Variants in ASTN1 observed in about 807,000 individuals in gnomAD.
ASTN1 encodes astrotactin-1.
A neutral mutation model predicts 140.7 loss-of-function variants in ASTN1; 41 were observed. That is an observed-to-expected ratio of 0.29 (90% CI 0.23 to 0.38). The LOEUF (loss-of-function observed/expected upper bound fraction) is 0.38, where lower values mean the gene tolerates loss of function less well. Among genes scored for constraint, ASTN1 ranks in the 10% least tolerant of loss-of-function variants. ASTN1 has a pLI of 1.00. For synonymous variants in ASTN1, 640 were observed against 652.2 expected, an observed-to-expected ratio of 0.98 and a Z score of 0.29; for missense variants, 1,479 against 1,678.8, an observed-to-expected ratio of 0.88 and a Z score of 2.08.
rs1647602135 is a variant in ASTN1, at chr1:177,164,567, A to G, written c.110T>C (p.Leu37Pro). 1 of 1,613,216 alleles carries G rather than the reference A, an allele frequency of 6.2e-7. No homozygotes were observed. The highest frequency in any genetic ancestry group is 8.5e-7 in the Non-Finnish European group (1 of 1,179,862). The change falls in exon 1 of 23, where the codon CTC becomes CCC. Residue 37 changes from leucine to proline, a missense_variant. This residue lies in a region of ASTN1 where 729 missense variants were observed against 860.4 expected (regional missense o/e 0.85). Transcript: ENST00000361833. ...CAGTGCCGACACCGTGATGCTTTTG[A>G]GCTTGCACTCCAGCTCCTTGGATGG... ...VDPSKELECK[L>P]KSITVSALPF...
chr1:177,093,551 A>G (rs573297169), intron 1 of ASTN1, among the ~76,000 whole-genome samples: 1 of 152,316 alleles, frequency 6.6e-6, no homozygotes, highest in South Asian at 2.1e-4. Flanking sequence ...GCCACTATCT[A>G]GAGACTTAGT....
intron 1 of ASTN1, among the ~76,000 whole-genome samples, chr1:177,075,968 C>A (rs536407206): frequency 1.1e-4 from 16 of 151,966 alleles, no homozygotes; most frequent in African/African-American, 3.9e-4. Context: ...TGTGAGAGAT[C>A]CTCAAACTGC....
At chr1:177,021,850 C>G (rs1675839401) in intron 7 of ASTN1, among the ~76,000 whole-genome samples, 1 of 152,190 alleles carries the variant, frequency 6.6e-6, no homozygotes, top group Non-Finnish European at 1.5e-5. Context: ...CAGAGACTAG[C>G]TCAGTTGCAT....
intron 4 of ASTN1, 41 bp from the exon 5 acceptor site, chr1:177,029,782 C>A: frequency 7.7e-6 from 12 of 1,560,186 alleles, no homozygotes; most frequent in Non-Finnish European, 1.0e-5. Context: ...GTTTTCAGTT[C>A]TGGTTTCATG....
At chr1:176,929,049 A>G (rs1571523715) in intron 16 of ASTN1, among the ~76,000 whole-genome samples, 1 of 152,220 alleles carries the variant, frequency 6.6e-6, no homozygotes, top group African/African-American at 2.4e-5. Context: ...CCTAAACTGT[A>G]CAGAAGCAAA....
At chr1:177,084,660 G>A (rs561888814) in intron 1 of ASTN1, among the ~76,000 whole-genome samples, 19 of 151,822 alleles carry the variant, frequency 1.3e-4, no homozygotes, top group East Asian at 7.8e-4. Context: ...GCTACCTCCC[G>A]TGATTTTGCT....
At chr1:177,033,907 G>A (rs71628224) in intron 2 of ASTN1, among the ~76,000 whole-genome samples, 4,661 of 152,190 alleles carry the variant, frequency 0.031, 101 homozygotes, top group Middle Eastern at 0.065. Context: ...CATGGCACTC[G>A]GTGGGCATAA....
At chr1:177,136,336 GT>G (rs893296961) in intron 1 of ASTN1, among the ~76,000 whole-genome samples, 14 of 146,344 alleles carry the variant, frequency 9.6e-5, no homozygotes, top group African/African-American at 3.0e-4. Context: ...TGTGTTTTTT[GT>G]TTTTTTATTT....
intron 7 of ASTN1, among the ~76,000 whole-genome samples, chr1:177,020,153 G>T (rs575942612): frequency 6.6e-6 from 1 of 152,282 alleles, no homozygotes; most frequent in Non-Finnish European, 1.5e-5. Flanking sequence ...CTCCCAAAGT[G>T]CTGGGATTAT....
chr1:176,886,774 G>C (rs1669048276), intron 18 of ASTN1, among the ~76,000 whole-genome samples: 1 of 152,150 alleles, frequency 6.6e-6, no homozygotes, highest in Non-Finnish European at 1.5e-5. Context: ...TTTCCTAAGC[G>C]GTCTGTTGCT....
At chr1:177,110,509 A>C (rs1680772427) in intron 1 of ASTN1, among the ~76,000 whole-genome samples, 1 of 152,178 alleles carries the variant, frequency 6.6e-6, no homozygotes, top group African/African-American at 2.4e-5. Context: ...GATGCTCTAG[A>C]ATAAAGATTA....
At chr1:176,964,726 A>C (rs1672802834) in intron 9 of ASTN1, among the ~76,000 whole-genome samples, 1 of 151,970 alleles carries the variant, frequency 6.6e-6, no homozygotes, top group Admixed American at 6.6e-5. Flanking sequence ...ACAACTTAAG[A>C]CTCTATGAGG....
chr1:176,893,996 A>G (rs141090959), intron 17 of ASTN1, among the ~76,000 whole-genome samples: 1 of 151,964 alleles, frequency 6.6e-6, no homozygotes, highest in Non-Finnish European at 1.5e-5. Flanking sequence ...GCCCAGCAGC[A>G]TAATAGAAAG....
At chr1:176,900,667 G>A (rs1269133263) in intron 16 of ASTN1, among the ~76,000 whole-genome samples, 4 of 152,232 alleles carry the variant, frequency 2.6e-5, no homozygotes, top group African/African-American at 9.6e-5. Flanking sequence ...ATCTTCCTGT[G>A]TTTGAACTTT....
intron 4 of ASTN1, among the ~76,000 whole-genome samples, chr1:177,030,202 A>C (rs1027617127): frequency 1.3e-5 from 2 of 152,248 alleles, no homozygotes; most frequent in African/African-American, 4.8e-5. Context: ...ATGTAAAGGG[A>C]ACAATTCTAA....
At chr1:176,900,817 G>A (rs1669734028) in intron 16 of ASTN1, among the ~76,000 whole-genome samples, 1 of 152,172 alleles carries the variant, frequency 6.6e-6, no homozygotes, top group South Asian at 2.1e-4. Context: ...TTCTCTCAAT[G>A]CCTGTTCACT....
intron 16 of ASTN1, among the ~76,000 whole-genome samples, chr1:176,923,514 G>A (rs1471239314): frequency 6.6e-6 from 1 of 152,084 alleles, no homozygotes; most frequent in African/African-American, 2.4e-5. Context: ...TGCCACTTCA[G>A]CTAATTATAG....
At chr1:177,108,347 C>CA (rs71129596) in intron 1 of ASTN1, among the ~76,000 whole-genome samples, 19,672 of 98,262 alleles carry the variant, frequency 0.2, 1,845 homozygotes, top group East Asian at 0.36. Flanking sequence ...GACTCCGTCT[C>CA]AAAAAAAAAA....
rs139038617 is a variant in ASTN1 at position 177,162,050 on chromosome 1, A to G, written c.283+2344T>C. Among the ~76,000 whole-genome samples, 8 of 152,302 alleles carry G rather than the reference A, an allele frequency of 5.3e-5. No homozygotes were observed. The East Asian group carries it at 1.5e-3, about 29-fold the overall frequency. ...AAATTTCCAGAATTGACTGATTCAG[A>G]TTCCTCCAGGAGATGGATTAAGTAA... On this transcript the variant is annotated intron_variant, in intron 1 of 22. Transcript: ENST00000361833.
Sources: allele counts gnomAD v4.1 joint callset (sites outside exome capture counted in the v4.1 genomes callset), GRCh38; gene constraint gnomAD v4.1.1; regional missense constraint gnomAD v4.1.1; transcripts MANE v1.5; gene names NCBI Gene and HGNC (gene_info 2026-07-23, HGNC 2026-07-21).